The following CPQ variants were observed in gnomAD, a reference collection of about 807,000 sequenced individuals.
The protein encoded by CPQ is Ser-Met dipeptidase.
In CPQ, 37 loss-of-function variants were observed where a neutral mutation model predicts 45.7. That is an observed-to-expected ratio of 0.81 (90% CI 0.62 to 1.07). The LOEUF (loss-of-function observed/expected upper bound fraction) is 1.07. Among genes scored for constraint, CPQ ranks in the 50% least tolerant of loss-of-function variants. The probability of loss-of-function intolerance (pLI) is 0.00; values close to 1 mark genes in which losing one functional copy is unlikely to be tolerated. For synonymous variants in CPQ, 186 were observed against 205.8 expected (o/e 0.90, Z 0.82); for missense variants, 537 against 572.9 (o/e 0.94, Z 0.64).
intron 1 of CPQ, among the ~76,000 whole-genome samples, chr8:96,716,219 G>A (rs918557378): frequency 6.6e-6 from 1 of 152,202 alleles, no homozygotes; most frequent in Non-Finnish European, 1.5e-5. Flanking sequence ...GCTTCTAGTA[G>A]GTGGTGGCAC....
intron 4 of CPQ, 53 bp downstream of exon 4, chr8:96,880,058 G>A: frequency 6.7e-7 from 1 of 1,497,218 alleles, no homozygotes; most frequent in Admixed American, 1.7e-5. Flanking sequence ...TCTAGTTTGA[G>A]TTATTAGAGA....
chr8:96,749,232 G>T (rs1022940235), intron 1 of CPQ, among the ~76,000 whole-genome samples: 2 of 152,114 alleles, frequency 1.3e-5, no homozygotes, highest in African/African-American at 4.8e-5. Context: ...GTAGGACCAA[G>T]AACACAAGAT....
chr8:96,694,280 G>A (rs1411430270), intron 1 of CPQ, among the ~76,000 whole-genome samples: 2 of 151,634 alleles, frequency 1.3e-5, no homozygotes, highest in Admixed American at 6.6e-5. Context: ...CAGTAATAAC[G>A]TTTAATGTAA....
intron 1 of CPQ, among the ~76,000 whole-genome samples, chr8:96,689,949 C>A (rs1809282915): frequency 6.6e-6 from 1 of 152,062 alleles, no homozygotes; most frequent in Non-Finnish European, 1.5e-5. Flanking sequence ...ACTTTGTTTT[C>A]AGCAGCATTT....
At chr8:96,907,931 G>T (rs1812599957) in intron 4 of CPQ, among the ~76,000 whole-genome samples, 3 of 152,092 alleles carry the variant, frequency 2.0e-5, no homozygotes, top group Non-Finnish European at 4.4e-5. Flanking sequence ...AATCTCAAAT[G>T]TGACTTTTGT....
At chr8:96,729,047 G>A (rs534036184) in intron 1 of CPQ, among the ~76,000 whole-genome samples, 1 of 152,218 alleles carries the variant, frequency 6.6e-6, no homozygotes, top group South Asian at 2.1e-4. Context: ...TTATATGTAG[G>A]GAGAAGATTT....
intron 6 of CPQ, among the ~76,000 whole-genome samples, chr8:97,053,272 T>C (rs1810392669): frequency 6.6e-6 from 1 of 152,216 alleles, no homozygotes; most frequent in Non-Finnish European, 1.5e-5. Flanking sequence ...TCCATTCTAG[T>C]GAATCAAGAC....
intron 1 of CPQ, among the ~76,000 whole-genome samples, chr8:96,728,838 GA>G (rs1369205661): frequency 6.6e-6 from 1 of 152,112 alleles, no homozygotes; most frequent in Non-Finnish European, 1.5e-5. Flanking sequence ...CATACAAGTC[GA>G]TTAGCTTAAA....
intron 7 of CPQ, among the ~76,000 whole-genome samples, chr8:97,099,511 G>T (rs1002705532): frequency 8.7e-5 from 13 of 149,330 alleles, no homozygotes; most frequent in African/African-American, 3.2e-4. Context: ...CTCCACCTTT[G>T]TTCATTTTGA....
Position 97,123,024 on chromosome 8 carries a change from T to TAAAATAAAATAAATAAAATA in CPQ, c.1256-19993_1256-19992insATAAAATAAATAAAATAAAA, listed in dbSNP as rs1356576854. Among the ~76,000 whole-genome samples, 29 of 26,408 alleles carry TAAAATAAAATAAATAAAATA rather than the reference T, an allele frequency of 1.1e-3. 1 individual carries two copies. The highest frequency in any genetic ancestry group is 3.8e-3 in the Admixed American group (6 of 1,570). 17.3% of individuals were successfully genotyped at this position (26,408 alleles called of 152,430 possible). On this transcript the variant is annotated intron_variant, in intron 7 of 7. Transcript: ENST00000220763. Reference sequence around the variant, plus strand: ...AAATATAAAATAAAATAAAATAAAATAAATAAAATAAAATAAAATAAATAA... The same window carrying TAAAATAAAATAAATAAAATA: ...AAATATAAAATAAAATAAAATAAAATAAAATAAAATAAATAAAATAAAATAAAATAAAATAAAATAAATAA...
At chr8:97,016,121 G>A (rs1563554990) in intron 5 of CPQ, among the ~76,000 whole-genome samples, 1 of 152,206 alleles carries the variant, frequency 6.6e-6, no homozygotes, top group Non-Finnish European at 1.5e-5. Flanking sequence ...AGCTCCCAGA[G>A]TTTAAAATGT....
intron 6 of CPQ, among the ~76,000 whole-genome samples, chr8:97,060,978 A>G (rs1810540334): frequency 6.6e-6 from 1 of 152,198 alleles, no homozygotes; most frequent in Non-Finnish European, 1.5e-5. Context: ...CCATAAATGT[A>G]GAGAAAAAGC....
intron 4 of CPQ, among the ~76,000 whole-genome samples, chr8:96,899,088 G>T (rs140275216): frequency 2.0e-5 from 3 of 152,214 alleles, no homozygotes; most frequent in African/African-American, 7.2e-5. Context: ...CTAAGATCAA[G>T]AATTTATATT....
intron 1 of CPQ, among the ~76,000 whole-genome samples, chr8:96,765,641 GTAGTATTATAA>G (rs1211266558): frequency 1.3e-5 from 2 of 152,168 alleles, no homozygotes; most frequent in African/African-American, 2.4e-5. Flanking sequence ...GTTCCACATA[GTAGTATTATAA>G]TAGCACCATG....
intron 2 of CPQ, among the ~76,000 whole-genome samples, chr8:96,804,073 T>TA (rs1811044749): frequency 6.6e-6 from 1 of 152,138 alleles, no homozygotes; most frequent in African/African-American, 2.4e-5. Context: ...CATTGAAGGA[T>TA]AAAGGATTTA....
intron 4 of CPQ, among the ~76,000 whole-genome samples, chr8:96,928,941 C>T (rs1223404070): frequency 6.6e-6 from 1 of 152,168 alleles, no homozygotes; most frequent in Non-Finnish European, 1.5e-5. Flanking sequence ...AACTTCTCAA[C>T]TCAGGTTGCT....
chr8:96,835,719 C>G (rs1157806940), intron 3 of CPQ, among the ~76,000 whole-genome samples: 1 of 152,158 alleles, frequency 6.6e-6, no homozygotes, highest in Non-Finnish European at 1.5e-5. Flanking sequence ...TCATAATTTT[C>G]TTCTGTTAAC....
intron 7 of CPQ, among the ~76,000 whole-genome samples, chr8:97,105,571 T>C (rs1052618059): frequency 1.6e-4 from 24 of 152,188 alleles, no homozygotes; most frequent in African/African-American, 5.3e-4. Context: ...AAATTACAGA[T>C]ATAACAATCT....
At chr8:97,038,825 C>CAAAAAAAA (rs35739621) in intron 6 of CPQ, among the ~76,000 whole-genome samples, 212 of 91,702 alleles carry the variant, frequency 2.3e-3, no homozygotes, top group Middle Eastern at 0.013. Flanking sequence ...ACCGTATTTA[C>CAAAAAAAA]AAAAAAAAAA....
Sources: gnomAD v4.1 joint callset for allele counts (sites outside exome capture counted in the v4.1 genomes callset) on GRCh38, gnomAD v4.1.1 for gene constraint, MANE v1.5 for transcripts, NCBI Gene and HGNC (gene_info 2026-07-23, HGNC 2026-07-21) for gene names.